SPECC1: variants seen among roughly 807,000 people sequenced by gnomAD.
SPECC1 encodes sperm antigen with calponin homology and coiled-coil domains 1.
SPECC1 carries 62 observed loss-of-function variants against 104.1 expected under a neutral mutation model. The ratio of observed to expected loss-of-function variants is 0.60; its 90% CI spans 0.49 to 0.74. The LOEUF is 0.74. Among genes scored for constraint, SPECC1 ranks in the 30% least tolerant of loss-of-function variants. The pLI is 0.00. For synonymous variants in SPECC1, 513 were observed against 501.6 expected (o/e 1.02, Z -0.30); for missense variants, 1,306 against 1,310.5 (o/e 1.00, Z 0.05).
At chr17:20,089,741 GGCCTTAAT>G (rs2047325161) in intron 1 of SPECC1, among the ~76,000 whole-genome samples, 1 of 152,142 alleles carries the variant, frequency 6.6e-6, no homozygotes, top group African/African-American at 2.4e-5. Flanking sequence ...AGCCCAGGAG[GGCCTTAAT>G]GCCAATCTGT....
chr17:20,238,678 T>C (rs1191510188), intron 7 of SPECC1: 26 of 1,039,402 alleles, frequency 2.5e-5, no homozygotes, highest in Middle Eastern at 4.4e-4. Flanking sequence ...AATTTATATT[T>C]TGGGCACTCT....
intron 3 of SPECC1, among the ~76,000 whole-genome samples, chr17:20,153,012 C>T (rs936057217): frequency 7.9e-5 from 12 of 152,168 alleles, no homozygotes; most frequent in African/African-American, 2.9e-4. Context: ...GGCCCCCCAC[C>T]CTTATGACCT....
At chr17:20,114,919 A>G (rs912515526) in intron 3 of SPECC1, among the ~76,000 whole-genome samples, 2 of 152,196 alleles carry the variant, frequency 1.3e-5, no homozygotes, top group African/African-American at 2.4e-5. Context: ...GAGATTATCT[A>G]TTTTCATAAT....
intron 1 of SPECC1, among the ~76,000 whole-genome samples, chr17:20,015,298 AT>A (rs772928670): frequency 6.1e-4 from 86 of 141,908 alleles, no homozygotes; most frequent in African/African-American, 8.5e-4. Flanking sequence ...TTTTAATTTA[AT>A]TTTTTTTTTT....
chr17:20,288,220 CTG>C (rs1346437494), intron 12 of SPECC1, among the ~76,000 whole-genome samples: 1 of 152,076 alleles, frequency 6.6e-6, no homozygotes, highest in African/African-American at 2.4e-5. Flanking sequence ...GATTCCTTGA[CTG>C]TGCTATTGTG....
At chr17:20,305,858 AT>A (rs925845381) in intron 13 of SPECC1, 164 bp from the exon 14 acceptor site, 12,783 of 446,220 alleles carry the variant, frequency 0.029, no homozygotes, top group South Asian at 0.038. Context: ...CAACCTGTTG[AT>A]TTTTTTTTTT....
intron 1 of SPECC1, among the ~76,000 whole-genome samples, chr17:20,052,932 C>T (rs1376446083): frequency 6.6e-6 from 1 of 152,156 alleles, no homozygotes; most frequent in African/African-American, 2.4e-5. Flanking sequence ...TATGCGTTTG[C>T]CCTAGAGACA....
intron 3 of SPECC1, among the ~76,000 whole-genome samples, chr17:20,120,381 G>A (rs1315591789): frequency 6.6e-6 from 1 of 151,718 alleles, no homozygotes; most frequent in Non-Finnish European, 1.5e-5. Flanking sequence ...GTGAGACTCA[G>A]TCTCAAAAAA....
At chr17:20,194,029 A>G (rs1413078288) in intron 3 of SPECC1, among the ~76,000 whole-genome samples, 1 of 152,202 alleles carries the variant, frequency 6.6e-6, no homozygotes, top group Non-Finnish European at 1.5e-5. Context: ...TTCTCTCTCC[A>G]GTTTTCCATT....
At chr17:20,060,659 T>G (rs1273404043) in intron 1 of SPECC1, among the ~76,000 whole-genome samples, 5 of 152,200 alleles carry the variant, frequency 3.3e-5, no homozygotes, top group Non-Finnish European at 7.3e-5. Context: ...TCTCTTGACA[T>G]ATAGGATATG....
At chr17:20,284,703 G>C (rs934786998) in intron 12 of SPECC1, among the ~76,000 whole-genome samples, 3 of 152,168 alleles carry the variant, frequency 2.0e-5, no homozygotes, top group Non-Finnish European at 4.4e-5. Flanking sequence ...TTTATCCTCT[G>C]TGATCTGTAA....
chr17:20,248,642 T>C (rs1237298871), intron 9 of SPECC1, among the ~76,000 whole-genome samples: 1 of 152,232 alleles, frequency 6.6e-6, no homozygotes, highest in Non-Finnish European at 1.5e-5. Context: ...TTCGTATGAT[T>C]ATAGGCCATT....
chr17:20,302,816 A>G (rs1344919291), intron 13 of SPECC1, among the ~76,000 whole-genome samples: 2 of 146,806 alleles, frequency 1.4e-5, no homozygotes, highest in African/African-American at 5.0e-5. Flanking sequence ...CAGCTACTCC[A>G]GAGCCTGAGG....
At chr17:20,236,809 T>C (rs371575133) in intron 7 of SPECC1, 115 of 1,609,632 alleles carry the variant, frequency 7.1e-5, no homozygotes, top group Non-Finnish European at 1.2e-5. Flanking sequence ...AAGACTGTAT[T>C]GCCTTAGGTA....
At chr17:20,188,269 C>G (rs12950027) in intron 3 of SPECC1, among the ~76,000 whole-genome samples, 3 of 125,292 alleles carry the variant, frequency 2.4e-5, no homozygotes, top group Admixed American at 8.0e-5. Flanking sequence ...TTTTTTTTTT[C>G]TTTTTTTGGG....
At chr17:20,294,751 C>T (rs2142007533) in intron 12 of SPECC1, among the ~76,000 whole-genome samples, 1 of 152,080 alleles carries the variant, frequency 6.6e-6, no homozygotes, top group South Asian at 2.1e-4. Context: ...CCAAATAAGT[C>T]TGGGAAATGC....
At chr17:20,167,909 T>G (rs1281409309) in intron 3 of SPECC1, among the ~76,000 whole-genome samples, 3 of 152,232 alleles carry the variant, frequency 2.0e-5, no homozygotes, top group Non-Finnish European at 4.4e-5. Flanking sequence ...CTTGTACATT[T>G]AATCTATGTC....
At chr17:20,213,663 G>A (rs746567934) in intron 4 of SPECC1, among the ~76,000 whole-genome samples, 1 of 152,184 alleles carries the variant, frequency 6.6e-6, no homozygotes, top group East Asian at 1.9e-4. Context: ...GGGAGAGGGG[G>A]TGAGTTGACC....
intron 1 of SPECC1, among the ~76,000 whole-genome samples, chr17:20,081,609 G>T (rs541874633): frequency 2.6e-5 from 4 of 152,200 alleles, no homozygotes; most frequent in African/African-American, 9.6e-5. Context: ...GATTAGCCAG[G>T]TGGAGGGAGA....
Sources: allele counts gnomAD v4.1 joint callset (sites outside exome capture counted in the v4.1 genomes callset), GRCh38; gene constraint gnomAD v4.1.1; transcripts MANE v1.5; gene names NCBI Gene and HGNC (gene_info 2026-07-23, HGNC 2026-07-21).